Variants in ROBO2 observed in about 807,000 individuals in gnomAD.
The protein encoded by ROBO2 is roundabout guidance receptor 2, also known as roundabout homolog 2.
ROBO2 carries 53 observed loss-of-function variants against 160.8 expected under a neutral mutation model. That is an observed-to-expected ratio of 0.33 (90% CI 0.26 to 0.41). The LOEUF is 0.41. ROBO2 is among the 10% of genes least tolerant of loss of function. ROBO2 has a pLI of 1.00. For synonymous variants in ROBO2, 664 were observed against 611.7 expected, an observed-to-expected ratio of 1.09 and a Z score of -1.26; for missense variants, 1,577 against 1,722.4, an observed-to-expected ratio of 0.92 and a Z score of 1.49.
At chr3:76,205,138 G>A (rs1003943784) in intron 2 of ROBO2, among the ~76,000 whole-genome samples, 22 of 152,134 alleles carry the variant, frequency 1.4e-4, no homozygotes, top group South Asian at 1.2e-3. Context: ...GATGATCCTC[G>A]TATTTTTTCC....
chr3:77,502,147 G>A (rs1376886509), intron 5 of ROBO2, among the ~76,000 whole-genome samples: 1 of 152,134 alleles, frequency 6.6e-6, no homozygotes, highest in African/African-American at 2.4e-5. Context: ...ATGGGACCTA[G>A]GATGTCTGGC....
intron 2 of ROBO2, among the ~76,000 whole-genome samples, chr3:76,932,708 A>G (rs2077426955): frequency 6.6e-6 from 1 of 152,214 alleles, no homozygotes; most frequent in Non-Finnish European, 1.5e-5. Context: ...AAATTTTAAA[A>G]GTCAGTACTT....
intron 2 of ROBO2, among the ~76,000 whole-genome samples, chr3:77,331,649 G>C (rs754582999): frequency 3.3e-5 from 5 of 151,924 alleles, no homozygotes; most frequent in African/African-American, 1.2e-4. Flanking sequence ...TTGAATTAAA[G>C]GTTACTACCA....
intron 2 of ROBO2, among the ~76,000 whole-genome samples, chr3:76,997,556 A>G (rs1255707395): frequency 6.6e-6 from 1 of 152,206 alleles, no homozygotes; most frequent in Non-Finnish European, 1.5e-5. Flanking sequence ...TTCAAAGATT[A>G]GAGAAGAGTT....
chr3:76,537,239 G>A (rs1383844761), intron 2 of ROBO2, among the ~76,000 whole-genome samples: 1 of 151,976 alleles, frequency 6.6e-6, no homozygotes, highest in Admixed American at 6.5e-5. Context: ...GGAACAAAGT[G>A]TAAAAAACAC....
intron 2 of ROBO2, among the ~76,000 whole-genome samples, chr3:77,268,358 C>T (rs138979262): frequency 3.2e-4 from 49 of 152,078 alleles, no homozygotes; most frequent in East Asian, 9.7e-4. Flanking sequence ...GTACAGTGTA[C>T]GTTTTAAATA....
chr3:76,455,645 G>A (rs6786214), intron 2 of ROBO2, among the ~76,000 whole-genome samples: 50,330 of 151,770 alleles, frequency 0.33, 8,669 homozygotes, highest in Middle Eastern at 0.46. Flanking sequence ...ATGCATTACC[G>A]TAATCCTATA....
intron 2 of ROBO2, among the ~76,000 whole-genome samples, chr3:76,623,541 G>T (rs7623289): frequency 0.39 from 59,216 of 151,876 alleles, 11,730 homozygotes; most frequent in South Asian, 0.51. Flanking sequence ...TTAGCCTCAC[G>T]TAATAAGGAT....
At chr3:77,526,939 G>C (rs957487394) in intron 6 of ROBO2, among the ~76,000 whole-genome samples, 2 of 151,452 alleles carry the variant, frequency 1.3e-5, no homozygotes, top group Non-Finnish European at 3.0e-5. Flanking sequence ...AGCAGCGTCA[G>C]GGGCTTTTCT....
At chr3:77,224,190 A>C (rs944852666) in intron 2 of ROBO2, among the ~76,000 whole-genome samples, 1 of 152,006 alleles carries the variant, frequency 6.6e-6, no homozygotes, top group African/African-American at 2.4e-5. Context: ...GCCTATGAGA[A>C]GACAGCTTCT....
intron 21 of ROBO2, among the ~76,000 whole-genome samples, chr3:77,615,129 T>C (rs1206145306): frequency 6.6e-6 from 1 of 152,192 alleles, no homozygotes; most frequent in African/African-American, 2.4e-5. Flanking sequence ...CTCTGTGAAA[T>C]AGATTCAGGA....
chr3:77,290,329 C>T (rs866561813), intron 2 of ROBO2, among the ~76,000 whole-genome samples: 2 of 47,478 alleles, frequency 4.2e-5, no homozygotes, highest in Non-Finnish European at 4.2e-5. Flanking sequence ...CTAGATCACC[C>T]CAGACATAAA....
intron 2 of ROBO2, among the ~76,000 whole-genome samples, chr3:76,708,018 T>C (rs2093207604): frequency 6.6e-6 from 1 of 152,142 alleles, no homozygotes; most frequent in African/African-American, 2.4e-5. Context: ...AAATGTAAAC[T>C]GGAATTTGGA....
At chr3:77,367,525 AAAG>A (rs918000692) in intron 2 of ROBO2, among the ~76,000 whole-genome samples, 8 of 152,196 alleles carry the variant, frequency 5.3e-5, no homozygotes, top group African/African-American at 1.7e-4. Flanking sequence ...CAGGTAATAA[AAAG>A]AAGACATTCA....
chr3:76,765,290 C>T (rs1270213239), intron 2 of ROBO2, among the ~76,000 whole-genome samples: 1 of 151,712 alleles, frequency 6.6e-6, no homozygotes, highest in East Asian at 2.0e-4. Context: ...GAACTACATA[C>T]CTGGTTGTCA....
chr3:76,939,935 A>G (rs991102123), intron 2 of ROBO2, among the ~76,000 whole-genome samples: 3 of 151,458 alleles, frequency 2.0e-5, no homozygotes, highest in Non-Finnish European at 4.4e-5. Context: ...ATCACTATTT[A>G]ATTTGAAGGA....
At chr3:76,419,166 C>T (rs6764976) in intron 2 of ROBO2, among the ~76,000 whole-genome samples, 23,431 of 152,038 alleles carry the variant, frequency 0.15, 3,875 homozygotes, top group African/African-American at 0.4. Context: ...TGGAAAAATA[C>T]GTGTCAAAAA....
intron 2 of ROBO2, among the ~76,000 whole-genome samples, chr3:77,388,084 G>T (rs951660959): frequency 6.6e-6 from 1 of 151,502 alleles, no homozygotes; most frequent in East Asian, 1.9e-4. Context: ...AGCAAATTTA[G>T]TTATACTCTC....
intron 6 of ROBO2, among the ~76,000 whole-genome samples, chr3:77,537,036 A>T (rs534282565): frequency 6.8e-6 from 1 of 147,114 alleles, no homozygotes. Flanking sequence ...GGAGCACATT[A>T]TGTGTGACTC....
Sources: gnomAD v4.1 joint callset for allele counts (sites outside exome capture counted in the v4.1 genomes callset) on GRCh38, gnomAD v4.1.1 for gene constraint, MANE v1.5 for transcripts, NCBI Gene and HGNC (gene_info 2026-07-23, HGNC 2026-07-21) for gene names.